The following ZNF33B variants were observed in gnomAD, a reference collection of about 807,000 sequenced individuals.
ZNF33B encodes zinc finger protein 33B.
Under a neutral mutation model 45.8 loss-of-function variants are expected in ZNF33B, and 29 were observed. That is an observed-to-expected ratio of 0.63 (90% confidence interval 0.47 to 0.86). The LOEUF is 0.86. Ranked by LOEUF, ZNF33B falls within the 40% of genes least tolerant of loss-of-function variation. The probability of loss-of-function intolerance (pLI) is 0.00; values close to 1 mark genes in which losing one functional copy is unlikely to be tolerated. For missense variants in ZNF33B, 831 were observed against 909.9 expected (o/e 0.91, Z 1.12); for synonymous variants, 305 against 307.8 (o/e 0.99, Z 0.10).
At chr10:42,607,078 C>T (rs1257600901) in intron 4 of ZNF33B, among the ~76,000 whole-genome samples, 1 of 151,734 alleles carries the variant, frequency 6.6e-6, no homozygotes, top group African/African-American at 2.4e-5. Context: ...GCCTGTATAA[C>T]AATGTATTGT....
intron 1 of ZNF33B, among the ~76,000 whole-genome samples, chr10:42,638,219 G>C (rs1025664153): frequency 2.6e-5 from 4 of 152,260 alleles, no homozygotes; most frequent in Non-Finnish European, 5.9e-5. Context: ...CGCTCGGACC[G>C]CGCAAGCGCA....
intron 4 of ZNF33B, among the ~76,000 whole-genome samples, chr10:42,617,092 C>CTTTTTTTTTTTTTTTTTTTTTTTT (rs199977911): frequency 1.6e-5 from 1 of 61,198 alleles, no homozygotes; most frequent in Non-Finnish European, 3.1e-5. Flanking sequence ...CATTTTTTCT[C>CTTTTTTTTTTTTTTTTTTTTTTTT]TTTTTTTTTT....
chr10:42,605,930 T>TA (rs375960681), intron 4 of ZNF33B, among the ~76,000 whole-genome samples: 25 of 149,940 alleles, frequency 1.7e-4, no homozygotes, highest in Admixed American at 1.2e-3. Flanking sequence ...ACCCTATCTC[T>TA]AAAAAAAAAT....
At chr10:42,577,132 C>CAAAA (rs71014272) in intron 1 of ZNF33B, among the ~76,000 whole-genome samples, 59 of 81,616 alleles carry the variant, frequency 7.2e-4, no homozygotes, top group African/African-American at 2.6e-3. Flanking sequence ...GACTCCATCT[C>CAAAA]AAAAAAAAAA....
At chr10:42,623,514 G>C (rs1302826664) in intron 4 of ZNF33B, among the ~76,000 whole-genome samples, 2 of 152,152 alleles carry the variant, frequency 1.3e-5, no homozygotes, top group South Asian at 4.1e-4. Flanking sequence ...AGAAAGTCTT[G>C]ATACTTGTTA....
downstream of ZNF33B, among the ~76,000 whole-genome samples, chr10:42,587,834 G>A (rs1006138715): frequency 1.3e-5 from 2 of 152,238 alleles, no homozygotes; most frequent in African/African-American, 4.8e-5. Flanking sequence ...CTGGACCATG[G>A]GCCACCATGC....
intron 1 of ZNF33B, among the ~76,000 whole-genome samples, chr10:42,637,615 T>C (rs1839376567): frequency 6.6e-6 from 1 of 152,202 alleles, no homozygotes; most frequent in African/African-American, 2.4e-5. Context: ...AAAAAAATTA[T>C]TTTTTCTTCT....
At chr10:42,604,306 G>A (rs148292407) in intron 4 of ZNF33B, among the ~76,000 whole-genome samples, 2,552 of 152,218 alleles carry the variant, frequency 0.017, 77 homozygotes, top group African/African-American at 0.058. Context: ...TTAGCTGGGT[G>A]TGGTGGCCAG....
In ZNF33B at chr10:42,594,251, T is replaced by G; in HGVS notation, c.699A>C (p.Val233=). ...CATTCTCTCTCTTCCGTGTATTGAA[T>G]ACTGCCTTTTCAAGGAGGGTTTCCT... ...ICQETLLEKA[V]FNTRKRENAE... Residue 233 remains valine (V), a synonymous_variant, in exon 5 of 5, where the codon GTA becomes GTC. Coordinates refer to ENST00000359467, the MANE Select transcript of ZNF33B (RefSeq NM_006955.3). The G allele has an allele frequency of 1.2e-6, 2 of 1,613,864 alleles. No individual in the cohort carries two copies. Among genetic ancestry groups the G allele is most frequent in the Non-Finnish European group, 1.7e-6 (2 of 1,179,932 alleles).
intron 4 of ZNF33B, among the ~76,000 whole-genome samples, chr10:42,600,230 T>C (rs1426555286): frequency 6.6e-6 from 1 of 152,104 alleles, no homozygotes; most frequent in African/African-American, 2.4e-5. Context: ...TTATTTAGGG[T>C]TAAGTCTATT....
chr10:42,594,863 T>TG (rs1164849772), intron 4 of ZNF33B, among the ~76,000 whole-genome samples, 164 bp from the exon 5 acceptor site: 1 of 152,144 alleles, frequency 6.6e-6, no homozygotes, highest in Non-Finnish European at 1.5e-5. Flanking sequence ...TTCATGAGTT[T>TG]GGAGTGAAAA....
intron 4 of ZNF33B, among the ~76,000 whole-genome samples, chr10:42,630,728 C>T (rs1179810411): frequency 1.3e-5 from 2 of 152,178 alleles, no homozygotes; most frequent in Non-Finnish European, 2.9e-5. Context: ...CTATGCCCTG[C>T]CCAATATTTT....
rs182688310 is a variant in ZNF33B at position 42,610,455 on chromosome 10, T to C, written c.251-15756A>G. Among the ~76,000 whole-genome samples the C allele has an allele frequency of 2.0e-5, 3 of 152,280 alleles. No homozygotes were observed. The East Asian group carries it at 5.8e-4, about 29-fold the overall frequency. ...TGGGAGGCTGAGACAGCAGAATCGC[T>C]TGAATCCCAGAAGCAGAGGTTGCAG... is the stretch of plus-strand genomic sequence containing the variant. On this transcript the variant is annotated intron_variant, in intron 4 of 4. Coordinates refer to ENST00000359467, the MANE Select transcript of ZNF33B (RefSeq NM_006955.3).
At chr10:42,602,826 A>G (rs1837682931) in intron 4 of ZNF33B, among the ~76,000 whole-genome samples, 3 of 151,032 alleles carry the variant, frequency 2.0e-5, no homozygotes, top group Admixed American at 6.6e-5. Flanking sequence ...ATTCTTTTCA[A>G]AAGTTATTTC....
intron 4 of ZNF33B, among the ~76,000 whole-genome samples, chr10:42,601,468 GTTTT>G (rs57196690): frequency 2.3e-4 from 18 of 79,474 alleles, no homozygotes; most frequent in African/African-American, 6.4e-4. Flanking sequence ...ACATGGGCTT[GTTTT>G]TTTTTTTTTT....
rs190108132 is a variant in ZNF33B at position 42,601,459 on chromosome 10, C to T, written c.251-6760G>A. 6.4e-3 allele frequency among the ~76,000 whole-genome samples: 936 copies of T among 147,400 alleles called. 4 individuals carry two copies. The highest frequency in any genetic ancestry group is 9.7e-3 in the Non-Finnish European group (650 of 67,082). On this transcript the variant is annotated intron_variant, in intron 4 of 4. Coordinates refer to ENST00000359467, the MANE Select transcript of ZNF33B (RefSeq NM_006955.3). ...AGTCCTGAAGTTCTCCTAAAGCTCA[C>T]ATGGGCTTGTTTTTTTTTTTTTTTT...
intron 4 of ZNF33B, among the ~76,000 whole-genome samples, chr10:42,625,772 C>T (rs746937854): frequency 1.8e-4 from 28 of 152,260 alleles, no homozygotes; most frequent in Non-Finnish European, 3.4e-4. Context: ...CAGGCCTGGC[C>T]TGAGGTTTTT....
At chr10:42,577,132 CA>C (rs71014272) in intron 1 of ZNF33B, among the ~76,000 whole-genome samples, 4,702 of 81,348 alleles carry the variant, frequency 0.058, 43 homozygotes, top group Non-Finnish European at 0.073. Context: ...GACTCCATCT[CA>C]AAAAAAAAAA....
downstream of ZNF33B, among the ~76,000 whole-genome samples, chr10:42,587,538 A>G (rs1237081899): frequency 6.6e-6 from 1 of 152,160 alleles, no homozygotes; most frequent in Non-Finnish European, 1.5e-5. Flanking sequence ...TTGTTGAGCC[A>G]CTGCACCTGG....
Sources: allele counts gnomAD v4.1 joint callset (sites outside exome capture counted in the v4.1 genomes callset), GRCh38; gene constraint gnomAD v4.1.1; transcripts MANE v1.5; gene names NCBI Gene and HGNC (gene_info 2026-07-23, HGNC 2026-07-21).